GPC6: variants seen among roughly 807,000 people sequenced by gnomAD.
The protein encoded by GPC6 is glypican-6.
GPC6 carries 14 observed loss-of-function variants against 55.2 expected under a neutral mutation model. That is an observed-to-expected ratio of 0.25 (90% CI 0.17 to 0.40). The LOEUF (loss-of-function observed/expected upper bound fraction) is 0.40. Ranked by LOEUF, GPC6 falls within the 10% of genes least tolerant of loss-of-function variation. The pLI is 1.00. For missense variants in GPC6, 641 were observed against 708.5 expected (o/e 0.90, Z 1.08); for synonymous variants, 278 against 259.6 (o/e 1.07, Z -0.68).
At chr13:94,335,975 G>T (rs575784435) in intron 6 of GPC6, among the ~76,000 whole-genome samples, 13 of 151,590 alleles carry the variant, frequency 8.6e-5, no homozygotes, top group South Asian at 4.2e-4. Context: ...TCAGAGAGAA[G>T]TGTGTCAATC....
At chr13:93,370,609 T>G (rs1441345684) in intron 1 of GPC6, among the ~76,000 whole-genome samples, 1 of 152,154 alleles carries the variant, frequency 6.6e-6, no homozygotes, top group Non-Finnish European at 1.5e-5. Context: ...CCAGGTTTTG[T>G]TAAGTTTGGA....
At chr13:93,906,839 G>T (rs1448570639) in intron 3 of GPC6, among the ~76,000 whole-genome samples, 2 of 152,140 alleles carry the variant, frequency 1.3e-5, no homozygotes, top group African/African-American at 4.8e-5. Flanking sequence ...GGATTCTTTG[G>T]TAGCTCTTAC....
intron 2 of GPC6, among the ~76,000 whole-genome samples, chr13:93,611,723 C>T (rs1188462300): frequency 3.3e-5 from 5 of 152,042 alleles, no homozygotes; most frequent in East Asian, 3.9e-4. Context: ...TCTCCTTTAG[C>T]GGATATTTTC....
At chr13:93,391,051 T>A (rs1594137358) in intron 1 of GPC6, among the ~76,000 whole-genome samples, 1 of 152,204 alleles carries the variant, frequency 6.6e-6, no homozygotes, top group East Asian at 1.9e-4. Flanking sequence ...AAGGAACAAC[T>A]TTTACCAACT....
At chr13:94,250,800 G>A (rs1461755379) in intron 4 of GPC6, among the ~76,000 whole-genome samples, 2 of 152,122 alleles carry the variant, frequency 1.3e-5, no homozygotes, top group African/African-American at 4.8e-5. Context: ...TAAGCTGGGT[G>A]AAGGTACATG....
chr13:94,062,991 G>T (rs892779425), intron 4 of GPC6, among the ~76,000 whole-genome samples: 4 of 152,138 alleles, frequency 2.6e-5, no homozygotes, highest in African/African-American at 9.7e-5. Context: ...TCTTCCAGCC[G>T]CTAGGCACGG....
intron 1 of GPC6, among the ~76,000 whole-genome samples, chr13:93,455,965 A>G (rs767544332): frequency 5.9e-5 from 9 of 152,350 alleles, no homozygotes; most frequent in Non-Finnish European, 1.2e-4. Context: ...TACTAGGCCA[A>G]CTAACTAAAA....
At chr13:94,267,299 G>T (rs9584206) in intron 4 of GPC6, among the ~76,000 whole-genome samples, 9,590 of 152,130 alleles carry the variant, frequency 0.063, 587 homozygotes, top group African/African-American at 0.16. Flanking sequence ...ACCTATAAGG[G>T]TTAGCTTGGA....
intron 1 of GPC6, among the ~76,000 whole-genome samples, chr13:93,410,165 A>G (rs559096575): frequency 2.0e-5 from 3 of 152,240 alleles, no homozygotes; most frequent in African/African-American, 4.8e-5. Flanking sequence ...ATTTTATTCT[A>G]TAGTTATTCA....
chr13:93,854,973 T>C (rs1888548737), intron 3 of GPC6, among the ~76,000 whole-genome samples: 1 of 151,566 alleles, frequency 6.6e-6, no homozygotes, highest in Non-Finnish European at 1.5e-5. Flanking sequence ...CCTCCCCTGG[T>C]ATCAATGTCC....
At chr13:93,789,503 C>CTATATATATA (rs1202956633) in intron 2 of GPC6, among the ~76,000 whole-genome samples, 5 of 78,544 alleles carry the variant, frequency 6.4e-5, no homozygotes, top group East Asian at 6.5e-4. Flanking sequence ...CTCTCTCTCT[C>CTATATATATA]TCTCTCTATA....
intron 1 of GPC6, among the ~76,000 whole-genome samples, chr13:93,477,834 G>T (rs1355644794): frequency 6.6e-6 from 1 of 152,232 alleles, no homozygotes; most frequent in East Asian, 1.9e-4. Context: ...TTTCTTATGT[G>T]CAGAGTGAGT....
At chr13:93,737,411 C>T (rs572277616) in intron 2 of GPC6, among the ~76,000 whole-genome samples, 9 of 152,224 alleles carry the variant, frequency 5.9e-5, no homozygotes, top group East Asian at 1.9e-4. Context: ...AGCCCCCGTT[C>T]TCAAAGGTAC....
intron 2 of GPC6, among the ~76,000 whole-genome samples, chr13:93,767,289 C>T (rs1885155138): frequency 6.6e-6 from 1 of 152,004 alleles, no homozygotes; most frequent in Non-Finnish European, 1.5e-5. Context: ...AAGTGCTCCA[C>T]CAGAAAAATC....
At chr13:93,930,148 T>C (rs998332026) in intron 3 of GPC6, among the ~76,000 whole-genome samples, 2 of 152,176 alleles carry the variant, frequency 1.3e-5, no homozygotes, top group Non-Finnish European at 2.9e-5. Context: ...ACTGGAGCAT[T>C]GCTATTTTTA....
At chr13:93,640,485 C>T (rs1412640345) in intron 2 of GPC6, among the ~76,000 whole-genome samples, 2 of 151,992 alleles carry the variant, frequency 1.3e-5, no homozygotes, top group African/African-American at 2.4e-5. Context: ...AAATTTTAGT[C>T]TGTTTCCTAA....
At chr13:94,279,501 C>A (rs1892310822) in intron 4 of GPC6, among the ~76,000 whole-genome samples, 1 of 151,970 alleles carries the variant, frequency 6.6e-6, no homozygotes, top group Non-Finnish European at 1.5e-5. Flanking sequence ...GATTAGTTTG[C>A]TCTTGCTTCT....
chr13:93,625,328 T>A (rs1879156973), intron 2 of GPC6, among the ~76,000 whole-genome samples: 1 of 152,158 alleles, frequency 6.6e-6, no homozygotes, highest in Non-Finnish European at 1.5e-5. Flanking sequence ...TCACATTAGC[T>A]TGAGAGTTAT....
intron 6 of GPC6, among the ~76,000 whole-genome samples, chr13:94,322,031 T>C (rs183008939): frequency 6.6e-6 from 1 of 152,282 alleles, no homozygotes; most frequent in Admixed American, 6.5e-5. Context: ...ACTGATATGG[T>C]TTTGCTGTAT....
Sources: allele counts gnomAD v4.1 joint callset (sites outside exome capture counted in the v4.1 genomes callset), GRCh38; gene constraint gnomAD v4.1.1; transcripts MANE v1.5; gene names NCBI Gene and HGNC (gene_info 2026-07-23, HGNC 2026-07-21).